The following SASH3 variants were observed in gnomAD, a reference collection of about 807,000 sequenced individuals.
The protein encoded by SASH3 is SAM and SH3 domain-containing protein 3.
Under a neutral mutation model 26.1 loss-of-function variants are expected in SASH3, and 7 were observed. That is an observed-to-expected ratio of 0.27 (90% CI 0.15 to 0.50). SASH3 has a LOEUF of 0.50. Among genes scored for constraint, SASH3 ranks in the 20% least tolerant of loss-of-function variants. The pLI, the probability that SASH3 is intolerant of heterozygous loss-of-function variation, is 0.98. For synonymous variants in SASH3, 138 were observed against 136.8 expected (o/e 1.01, Z -0.06); for missense variants, 231 against 318.3 (o/e 0.73, Z 2.09).
rs897620347 is a variant in SASH3 at position 129,787,908 on chromosome X, G to A, written c.58-67G>A. The A allele has an allele frequency of 3.7e-5, 30 of 816,822 alleles. No homozygotes were observed. In the South Asian group the frequency reaches 4.5e-4, roughly 12 times the overall value. 67.3% of individuals were successfully genotyped at this position (816,822 alleles called of 1,213,427 possible). On this transcript the variant is annotated intron_variant, in intron 1 of 7. Transcript: ENST00000356892. ...GGCTGTGGGTATTGTGTGGTGGGGGGAGGCGAGTATGTGGGCCCTCGGGCA... is the reference window on the plus strand; with the variant it reads ...GGCTGTGGGTATTGTGTGGTGGGGGAAGGCGAGTATGTGGGCCCTCGGGCA...
intron 1 of SASH3, among the ~76,000 whole-genome samples, chrX:129,786,643 C>T (rs1010587450): frequency 5.4e-5 from 6 of 111,768 alleles, no homozygotes; most frequent in Non-Finnish European, 9.4e-5. Flanking sequence ...GCCTGTCCCC[C>T]TTACCTGCCT....
chrX:129,782,584 C>T (rs997864506), intron 1 of SASH3, among the ~76,000 whole-genome samples: 1 of 112,312 alleles, frequency 8.9e-6, no homozygotes, highest in Non-Finnish European at 1.9e-5. Context: ...GGGAAGCTGC[C>T]GAGCAGGGAT....
chrX:129,781,479 C>T (rs978352623), intron 1 of SASH3, among the ~76,000 whole-genome samples: 31 of 111,994 alleles, frequency 2.8e-4, no homozygotes, highest in Non-Finnish European at 5.3e-4. Flanking sequence ...TTGGCTGCCA[C>T]TCCTAAGAGA....
At chrX:129,780,637 C>T (rs1453269398) in intron 1 of SASH3, among the ~76,000 whole-genome samples, 2 of 112,790 alleles carry the variant, frequency 1.8e-5, no homozygotes, top group Non-Finnish European at 3.8e-5. Context: ...GCCACCCCCT[C>T]CTCCACTTTG....
intron 4 of SASH3, 82 bp downstream of exon 4, chrX:129,791,163 G>A (rs1231600098): frequency 1.7e-5 from 18 of 1,031,277 alleles, no homozygotes; most frequent in Non-Finnish European, 2.4e-5. Context: ...CACTGTCTGG[G>A]CGGGGGGTAA....
At position 129,781,956 on chromosome X, in the gene SASH3, G is replaced by T. The variant is rs1334864739; in HGVS notation, c.57+1802G>T. On this transcript the variant is annotated intron_variant, in intron 1 of 7. Transcript: ENST00000356892. The stretch of plus-strand genomic sequence containing the variant: ...TCTTCCCCAGGCCCAGAGGCAGCGG[G>T]CTGGCTGAATCACTGCTAGTCCCTT... Among the ~76,000 whole-genome samples, 2 of 112,696 alleles carry T rather than the reference G, an allele frequency of 1.8e-5. 1 individual carries two copies. The highest frequency in any genetic ancestry group is 3.8e-5 in the Non-Finnish European group (2 of 53,265).
rs1569312667 is a variant in SASH3 at position 129,789,153 on chromosome X, GAAAGAAAGAAAGAGAA to G, written c.300+580_300+595del. ...AGAAAGAAAGAAAGAAAGAAAGAAA[GAAAGAAAGAAAGAGAA>G]AAAAAAAAAAAAGAAAAGTCTGGGC... On this transcript the variant is annotated intron_variant, in intron 3 of 7. Coordinates refer to ENST00000356892, the MANE Select transcript of SASH3 (RefSeq NM_018990.4). 8.8e-3 allele frequency among the ~76,000 whole-genome samples: 569 copies of G among 64,396 alleles called. 9 individuals carry two copies. In the South Asian group the frequency reaches 0.11, roughly 13 times the overall value. The allele number at this position is 64,396 out of a possible 115,157, so 55.9% of individuals were successfully genotyped here. A position where few individuals can be genotyped will look rare whatever the true frequency, so the allele number is the denominator to read the frequency against.
intron 2 of SASH3, 155 bp from the exon 3 acceptor site, chrX:129,788,276 C>A: frequency 1.7e-6 from 1 of 572,852 alleles, no homozygotes; most frequent in Non-Finnish European, 2.8e-6. Flanking sequence ...ATTTATAGGG[C>A]TAAGGACATG....
At chrX:129,783,308 C>T (rs1051180116) in intron 1 of SASH3, among the ~76,000 whole-genome samples, 3 of 111,634 alleles carry the variant, frequency 2.7e-5, no homozygotes, top group Admixed American at 1.9e-4. Context: ...TCAGATATAC[C>T]TCCTCCACAA....
intron 1 of SASH3, among the ~76,000 whole-genome samples, chrX:129,784,183 C>T (rs1350914038): frequency 1.8e-5 from 2 of 110,675 alleles, no homozygotes; most frequent in Non-Finnish European, 3.8e-5. Context: ...GGAACCATAT[C>T]GTGTATATAT....
At position 129,792,978 on chromosome X, in the gene SASH3, T is replaced by A. The variant is rs1927259355; in HGVS notation, c.802-11T>A. ...TAAGCAGCTGTGCCGATGGCCTGCC[T>A]CTGCCTACAGGAGCACACATCCACC... On this transcript the variant is annotated splice_polypyrimidine_tract_variant and intron_variant, in intron 6 of 7. Coordinates refer to ENST00000356892, the MANE Select transcript of SASH3 (RefSeq NM_018990.4). 8.3e-7 allele frequency: 1 copy of A among 1,209,082 alleles called. No homozygotes were observed. The highest frequency in any genetic ancestry group is 1.8e-5 in the African/African-American group (1 of 56,968).
intron 1 of SASH3, among the ~76,000 whole-genome samples, chrX:129,785,797 C>T (rs1927097674): frequency 8.9e-6 from 1 of 111,967 alleles, no homozygotes; most frequent in Admixed American, 9.4e-5. Flanking sequence ...GGAGAGAAGG[C>T]CACAATAGGC....
At chrX:129,790,082 A>T (rs886137445) in intron 3 of SASH3, among the ~76,000 whole-genome samples, 5 of 111,983 alleles carry the variant, frequency 4.5e-5, no homozygotes, top group African/African-American at 6.5e-5. Context: ...AAATAAATTT[A>T]AAAAAATAAA....
At chrX:129,788,215 C>T (rs907304154) in intron 2 of SASH3, 145 bp downstream of exon 2, 7 of 528,962 alleles carry the variant, frequency 1.3e-5, no homozygotes, top group African/African-American at 1.2e-4. Context: ...CCACACCAAG[C>T]ACTCCCCTGC....
chrX:129,792,215 C>T (rs992389919), intron 4 of SASH3, 113 bp from the exon 5 acceptor site: 1 of 892,002 alleles, frequency 1.1e-6, no homozygotes, highest in African/African-American at 2.0e-5. Context: ...CAGCTGCCTT[C>T]CCGGTGTATA....
intron 4 of SASH3, 29 bp downstream of exon 4, chrX:129,791,110 C>G (rs761779203): frequency 1.7e-6 from 2 of 1,198,085 alleles, no homozygotes; most frequent in Admixed American, 2.2e-5. Flanking sequence ...GGACACCTGC[C>G]GAATCTGGAG....
At chrX:129,786,499 G>C (rs1178192200) in intron 1 of SASH3, among the ~76,000 whole-genome samples, 1 of 110,928 alleles carries the variant, frequency 9.0e-6, no homozygotes, top group Non-Finnish European at 1.9e-5. Context: ...AGTTCCTCAA[G>C]CCCTTATCTC....
At chrX:129,780,272 C>T in intron 1 of SASH3, 118 bp downstream of exon 1, 1 of 626,931 alleles carries the variant, frequency 1.6e-6, no homozygotes, top group Admixed American at 3.0e-5. Context: ...TAGGTGAGGG[C>T]CACTCACCTA....
intron 4 of SASH3, among the ~76,000 whole-genome samples, chrX:129,791,791 GAGA>G (rs1207256897): frequency 8.9e-6 from 1 of 112,324 alleles, no homozygotes; most frequent in Non-Finnish European, 1.9e-5. Context: ...ACTTCCCAGG[GAGA>G]AGGAGCCCAA....
Sources: gnomAD v4.1 joint callset for allele counts (sites outside exome capture counted in the v4.1 genomes callset) on GRCh38, gnomAD v4.1.1 for gene constraint, MANE v1.5 for transcripts, NCBI Gene and HGNC (gene_info 2026-07-23, HGNC 2026-07-21) for gene names.